BRIP1: variants seen among roughly 807,000 people sequenced by gnomAD.
BRIP1 encodes Fanconi anemia group J protein.
BRIP1 carries 88 observed loss-of-function variants against 119.7 expected under a neutral mutation model. The observed-to-expected ratio is 0.74, with a 90% CI of 0.62 to 0.88. The LOEUF is 0.88. BRIP1 is among the 40% of genes least tolerant of loss of function. BRIP1 has a pLI of 0.00. For missense variants in BRIP1, 1,259 were observed against 1,455.4 expected (o/e 0.87, Z 2.20); for synonymous variants, 443 against 496.5 (o/e 0.89, Z 1.43).
chr17:61,855,873 C>T (rs971857264), intron 4 of BRIP1, among the ~76,000 whole-genome samples: 1 of 151,954 alleles, frequency 6.6e-6, no homozygotes, highest in African/African-American at 2.4e-5. Flanking sequence ...TAGACAGACA[C>T]ATATAATACA....
chr17:61,774,991 C>T lies in BRIP1; in HGVS notation c.2097+1410G>A, dbSNP rs539344146. ...CAATGAAATAAGATTTTGCTTTAAT[C>T]GCTTACATAACTGTGGAGTGAGTAC... On this transcript the variant is annotated intron_variant, in intron 14 of 19. Coordinates refer to ENST00000259008, the MANE Select transcript of BRIP1 (RefSeq NM_032043.3). The surrounding 1 kb of genome is among the most constrained non-coding windows in gnomAD (Gnocchi z 5.8). 4.6e-5 allele frequency among the ~76,000 whole-genome samples: 7 copies of T among 152,246 alleles called. No homozygotes were observed. The highest frequency in any genetic ancestry group is 1.9e-4 in the East Asian group (1 of 5,188).
rs1353974508 is a variant in BRIP1, at chr17:61,845,325, A to G, written c.627+1776T>C. ...GGGGGACAGGGCAGAAAAAAGGTCC[A>G]TCAGTCTATCTTGCACTTAGGATGG... On this transcript the variant is annotated intron_variant, in intron 6 of 19. Transcript: ENST00000259008. The surrounding 1 kb of genome is among the most constrained non-coding windows in gnomAD (Gnocchi z 4.2). Among the ~76,000 whole-genome samples, 1 of 152,206 alleles carries G rather than the reference A, an allele frequency of 6.6e-6. No individual in the cohort carries two copies. The highest frequency in any genetic ancestry group is 1.9e-4 in the East Asian group (1 of 5,198).
At position 61,827,661 on chromosome 17, in the gene BRIP1, G is replaced by A. The variant is rs28780786; in HGVS notation, c.628-18904C>T. 0.027 allele frequency among the ~76,000 whole-genome samples: 4,121 copies of A among 152,218 alleles called. 182 individuals are homozygous for A. The highest frequency in any genetic ancestry group is 0.094 in the African/African-American group (3,906 of 41,512). ...GGAGGACTGCTTGATCCTGGGAGGC[G>A]GACACTGCAGTCAGCTGAGATAGTG... On this transcript the variant is annotated intron_variant, in intron 6 of 19. Coordinates refer to ENST00000259008, the MANE Select transcript of BRIP1 (RefSeq NM_032043.3). This position sits in a 1 kb window ranked among gnomAD's most constrained non-coding sequence, Gnocchi z 5.8.
intron 10 of BRIP1, among the ~76,000 whole-genome samples, chr17:61,790,079 T>C (rs2145206922): frequency 6.6e-6 from 1 of 152,336 alleles, no homozygotes; most frequent in African/African-American, 2.4e-5. Flanking sequence ...ATCCCAGATG[T>C]TCCTTTGTGC....
chr17:61,787,231 A>G (rs2077737113), intron 10 of BRIP1, among the ~76,000 whole-genome samples: 1 of 62,670 alleles, frequency 1.6e-5, no homozygotes, highest in African/African-American at 7.2e-5. Flanking sequence ...TATACTATAT[A>G]AAATATATAA....
At chr17:61,772,743 G>A (rs1362345620) in intron 14 of BRIP1, among the ~76,000 whole-genome samples, 1 of 148,852 alleles carries the variant, frequency 6.7e-6, no homozygotes, top group Non-Finnish European at 1.5e-5. Flanking sequence ...ACTTGAACCC[G>A]GGAGGCAGAG....
rs1308967511 is a variant in BRIP1 at position 61,753,704 on chromosome 17, C to T, written c.2098-9113G>A. ...GTAGCCTCACATTCCTGGGCTCAAG[C>T]GATCCTCCCACCTCAACCTCTCAAG... On this transcript the variant is annotated intron_variant, in intron 14 of 19. Transcript: ENST00000259008. The surrounding 1 kb of genome is among the most constrained non-coding windows in gnomAD (Gnocchi z 4.6). Among the ~76,000 whole-genome samples the T allele has an allele frequency of 2.0e-5, 3 of 151,346 alleles. No individual in the cohort carries two copies. Among genetic ancestry groups the T allele is most frequent in the Non-Finnish European group, 2.9e-5 (2 of 67,936 alleles).
At chr17:61,813,845 C>T (rs1046549240) in intron 6 of BRIP1, among the ~76,000 whole-genome samples, 2 of 151,988 alleles carry the variant, frequency 1.3e-5, no homozygotes, top group African/African-American at 4.8e-5. Flanking sequence ...GAGCTTCATT[C>T]TTAAATTGTT....
chr17:61,764,592 GA>G (rs2077324301), intron 14 of BRIP1, among the ~76,000 whole-genome samples: 1 of 152,178 alleles, frequency 6.6e-6, no homozygotes, highest in Non-Finnish European at 1.5e-5. Context: ...TTGCTATTAT[GA>G]AGATTAACTG....
Position 61,706,357 on chromosome 17 carries a change from T to A in BRIP1, c.2492+9594A>T, listed in dbSNP as rs1321381373. Among the ~76,000 whole-genome samples, 1 of 152,174 alleles carries A rather than the reference T, an allele frequency of 6.6e-6. No homozygotes were observed. The highest frequency in any genetic ancestry group is 6.5e-5 in the Admixed American group (1 of 15,278). ...TTTTTAGACTACTAAATATGCTTAC[T>A]TCATCTTTTCTAGGACTGAAACGCC... On this transcript the variant is annotated intron_variant, in intron 17 of 19. Transcript: ENST00000259008. The surrounding 1 kb of genome is among the most constrained non-coding windows in gnomAD (Gnocchi z 5.7).
In BRIP1 at chr17:61,845,352, C is replaced by G. The variant is rs896639561; in HGVS notation, c.627+1749G>C. ...CAGTCTATCTTGCACTTAGGATGGA[C>G]CTTTTCTAGGCATCATTTTGCAATA... On this transcript the variant is annotated intron_variant, in intron 6 of 19. Transcript: ENST00000259008. The surrounding 1 kb of genome is among the most constrained non-coding windows in gnomAD (Gnocchi z 4.2). Among the ~76,000 whole-genome samples the G allele has an allele frequency of 1.3e-5, 2 of 151,974 alleles. No individual in the cohort carries two copies. Among genetic ancestry groups the G allele is most frequent in the African/African-American group, 4.8e-5 (2 of 41,356 alleles).
chr17:61,849,136 G>A lies in BRIP1; in HGVS notation c.500C>T (p.Thr167Ile), dbSNP rs758218234. ...CCAATAAACTCTGTTTACCTGCTGT[G>A]TAGTTTCTAAGGGTCGAATTCTTTT... is the stretch of plus-strand genomic sequence containing the variant. The part of the protein sequence containing the change: ...EKKRIRPLET[T>I]QQIRKRHCFG... Residue 167 changes from threonine to isoleucine, a missense_variant, in exon 5 of 20, where the codon ACA becomes ATA. Around this residue, in one of 3 missense-constraint regions of BRIP1, gnomAD observed 501 missense variants for 544.0 expected, o/e 0.92. Coordinates refer to ENST00000259008, the MANE Select transcript of BRIP1 (RefSeq NM_032043.3). The A allele has an allele frequency of 6.2e-7, 1 of 1,613,582 alleles. No homozygotes were observed. The highest frequency in any genetic ancestry group is 8.5e-7 in the Non-Finnish European group (1 of 1,179,692).
chr17:61,727,768 CTG>C (rs1024565164), intron 16 of BRIP1, among the ~76,000 whole-genome samples: 35 of 25,504 alleles, frequency 1.4e-3, no homozygotes, highest in Middle Eastern at 0.016. Flanking sequence ...GTCTGTCTGT[CTG>C]TCTCTCTCTC....
chr17:61,839,936 C>T (rs1043216086), intron 6 of BRIP1, among the ~76,000 whole-genome samples: 1 of 152,000 alleles, frequency 6.6e-6, no homozygotes, highest in Non-Finnish European at 1.5e-5. Flanking sequence ...ACTACATAAC[C>T]AAAAGGAGAA....
intron 19 of BRIP1, chr17:61,685,556 T>C (rs566281013): frequency 3.2e-5 from 15 of 474,564 alleles, no homozygotes; most frequent in African/African-American, 3.0e-4. Flanking sequence ...AGGCATTTTT[T>C]TTTTCCTATT....
intron 17 of BRIP1, among the ~76,000 whole-genome samples, chr17:61,711,555 ATG>A (rs1327177427): frequency 6.6e-6 from 1 of 152,140 alleles, no homozygotes; most frequent in Admixed American, 6.5e-5. Context: ...AGAAAAACAC[ATG>A]CAGAATACCA....
intron 6 of BRIP1, among the ~76,000 whole-genome samples, chr17:61,839,291 A>G (rs1183032467): frequency 6.6e-6 from 1 of 151,996 alleles, no homozygotes; most frequent in Non-Finnish European, 1.5e-5. Flanking sequence ...CTAAAACTAT[A>G]CATTTTATAA....
At chr17:61,697,725 CTCTT>C (rs2061551168) in intron 17 of BRIP1, among the ~76,000 whole-genome samples, 1 of 150,778 alleles carries the variant, frequency 6.6e-6, no homozygotes, top group Admixed American at 6.6e-5. Context: ...GTTTAGTTTG[CTCTT>C]TTTTTTTTCC....
rs2078693679 is a variant in BRIP1 at position 61,843,996 on chromosome 17, T to A, written c.627+3105A>T. On this transcript the variant is annotated intron_variant, in intron 6 of 19. Transcript: ENST00000259008. The surrounding 1 kb of genome is among the most constrained non-coding windows in gnomAD (Gnocchi z 5.7). ...CTGGAGTACAGTGGTTCAATCATAG[T>A]TCAATACAGCCTCAATCTTCTGGCT... Among the ~76,000 whole-genome samples, 1 of 151,984 alleles carries A rather than the reference T, an allele frequency of 6.6e-6. No homozygotes were observed. The highest frequency in any genetic ancestry group is 6.6e-5 in the Admixed American group (1 of 15,254).
Sources: gnomAD v4.1 joint callset for allele counts (sites outside exome capture counted in the v4.1 genomes callset) on GRCh38, gnomAD v4.1.1 for gene constraint, gnomAD v4.1.1 regional missense constraint, Gnocchi (gnomAD v3.1) non-coding constraint, MANE v1.5 for transcripts, NCBI Gene and HGNC (gene_info 2026-07-23, HGNC 2026-07-21) for gene names.